TRRAP: variants seen among roughly 807,000 people sequenced by gnomAD.
The protein encoded by TRRAP is transformation/transcription domain-associated protein.
TRRAP carries 41 observed loss-of-function variants against 438.8 expected under a neutral mutation model. The observed-to-expected ratio is 0.09, with a 90% CI of 0.07 to 0.12. The LOEUF (loss-of-function observed/expected upper bound fraction) is 0.12, where lower values mean the gene tolerates loss of function less well. Ranked by LOEUF, TRRAP falls within the 10% of genes least tolerant of loss-of-function variation. TRRAP has a pLI of 1.00. For missense variants in TRRAP, 3,122 were observed against 5,055.1 expected (o/e 0.62, Z 11.60); for synonymous variants, 1,994 against 1,962.9 (o/e 1.02, Z -0.42).
chr7:98,916,407 C>T (rs1789520473), intron 19 of TRRAP, among the ~76,000 whole-genome samples: 1 of 152,172 alleles, frequency 6.6e-6, no homozygotes, highest in Non-Finnish European at 1.5e-5. Flanking sequence ...GATCTGGGTT[C>T]ATTGAATGCT....
In TRRAP at chr7:98,967,148, T is replaced by C; in HGVS notation, c.7284T>C (p.Val2428=). The part of the protein sequence containing the change: ...LELNAQFLDL[V]NYVYRDETLS... ...TAAATGCCCAGTTTTTAGATCTTGT[T>C]AACTATGTCTACAGGTAATTACAGC... Residue 2428 remains valine (V), a synonymous_variant, in exon 50 of 73, where the codon GTT becomes GTC. Transcript: ENST00000456197. 1 of 1,614,034 alleles carries C rather than the reference T, an allele frequency of 6.2e-7. No homozygotes were observed. Among genetic ancestry groups the C allele is most frequent in the Non-Finnish European group, 8.5e-7 (1 of 1,179,968 alleles).
chr7:98,935,735 A>C, intron 28 of TRRAP, 60 bp downstream of exon 28: 1 of 1,377,776 alleles, frequency 7.3e-7, no homozygotes, highest in Non-Finnish European at 9.8e-7. Context: ...CAGGAGGTCT[A>C]TAGAAAAAAA....
chr7:98,978,805 G>A lies in TRRAP; in HGVS notation c.8535G>A (p.Thr2845=), dbSNP rs190918434. ...AATTGAACCAGTGGGAAGCCCTGAC[G>A]GAGTACGGTCAGTCCAAAGGCCACA... is the stretch of plus-strand genomic sequence containing the variant. ...SKELNQWEAL[T]EYGQSKGHIN... is the part of the protein sequence containing the mutation. The change falls in exon 58 of 73, where the codon ACG becomes ACA. Residue 2845 remains threonine, a synonymous_variant. Coordinates refer to ENST00000456197, the MANE Select transcript of TRRAP (RefSeq NM_001375524.1). The A allele has an allele frequency of 3.5e-5, 56 of 1,614,232 alleles. No individual in the cohort carries two copies. The East Asian group carries it at 4.0e-4, about 12-fold the overall frequency.
In TRRAP at chr7:98,880,550, C is replaced by T. The variant is rs1179839422; in HGVS notation, c.-61-540C>T. Among the ~76,000 whole-genome samples the T allele has an allele frequency of 2.0e-5, 3 of 152,172 alleles. No homozygotes were observed. The South Asian group carries it at 6.2e-4, about 32-fold the overall frequency. ...GTGCTGGGATTCCAGGCGTGAGCCA[C>T]TGCGCCTGGCCTGCTGCATGATTTT... On this transcript the variant is annotated intron_variant, in intron 1 of 72. Coordinates refer to ENST00000456197, the MANE Select transcript of TRRAP (RefSeq NM_001375524.1).
At chr7:98,978,438 C>A in intron 57 of TRRAP, 115 bp downstream of exon 57, 2 of 945,832 alleles carry the variant, frequency 2.1e-6, no homozygotes, top group Admixed American at 2.6e-5. Flanking sequence ...TACTTTATGG[C>A]CACATAAAGA....
At chr7:98,971,143 T>C (rs113897860) in intron 52 of TRRAP, among the ~76,000 whole-genome samples, 140 of 152,348 alleles carry the variant, frequency 9.2e-4, no homozygotes, top group Non-Finnish European at 1.7e-3. Flanking sequence ...ATTAATAATT[T>C]CGAATTAAAA....
intron 13 of TRRAP, among the ~76,000 whole-genome samples, chr7:98,907,316 T>A (rs1796820586): frequency 6.6e-6 from 1 of 151,418 alleles, no homozygotes; most frequent in African/African-American, 2.4e-5. Context: ...AGAGTGAAAC[T>A]CTGTCTCAAA....
intron 67 of TRRAP, chr7:98,999,058 C>T (rs1379338512): frequency 4.1e-6 from 4 of 972,824 alleles, no homozygotes; most frequent in Non-Finnish European, 3.1e-6. Flanking sequence ...GAGAAGGCAG[C>T]CATGACGGGC....
chr7:98,922,609 T>A (rs1789851726), intron 21 of TRRAP, among the ~76,000 whole-genome samples: 1 of 152,072 alleles, frequency 6.6e-6, no homozygotes, highest in South Asian at 2.1e-4. Context: ...CTTCCCCACA[T>A]GGTGGCAGCA....
Position 98,925,166 on chromosome 7 carries a change from C to A in TRRAP, c.2878C>A (p.Arg960=). ...LKSANTEPYY[R]RQAWEVIKCF... is the part of the protein sequence containing the mutation. ...AAGCGCCAACACTGAGCCCTACTAC[C>A]GGAGGCAGGCGTGGGAAGTGATCAA... is the stretch of plus-strand genomic sequence containing the variant. Residue 960 remains arginine, a synonymous_variant, in exon 22 of 73, where the codon CGG becomes AGG. Coordinates refer to ENST00000456197, the MANE Select transcript of TRRAP (RefSeq NM_001375524.1). 6.2e-7 allele frequency: 1 copy of A among 1,614,196 alleles called. No individual in the cohort carries two copies. The highest frequency in any genetic ancestry group is 1.1e-5 in the South Asian group (1 of 91,080).
chr7:98,920,285 A>T (rs1554410254), intron 20 of TRRAP, among the ~76,000 whole-genome samples: 1 of 152,096 alleles, frequency 6.6e-6, no homozygotes, highest in East Asian at 1.9e-4. Context: ...AGCCTGGCCA[A>T]CAAGGTGAAA....
intron 45 of TRRAP, among the ~76,000 whole-genome samples, chr7:98,960,443 A>T (rs1236339507): frequency 6.6e-6 from 1 of 151,774 alleles, no homozygotes; most frequent in Non-Finnish European, 1.5e-5. Context: ...CTTCTATTTG[A>T]CCTCTGCTAT....
rs1554417744 is a variant in TRRAP, at chr7:98,949,709, ACT to A, written c.5008_5009del (p.Leu1670GlyfsTer11). ...GATGACTCCTGGCTGGCCAGCCAGC[ACT>A]CTCTGGTGAGCCAGTTGCGACGTGT... On this transcript the variant is annotated frameshift_variant, in exon 37 of 73. Transcript: ENST00000456197. LOFTEE classifies it high-confidence loss of function. 1 of 1,613,946 alleles carries A rather than the reference ACT, an allele frequency of 6.2e-7. No homozygotes were observed. The highest frequency in any genetic ancestry group is 1.7e-5 in the Admixed American group (1 of 60,020).
chr7:98,943,124 C>G, intron 31 of TRRAP, 107 bp downstream of exon 31: 2 of 1,171,838 alleles, frequency 1.7e-6, no homozygotes, highest in Non-Finnish European at 2.5e-6. Context: ...CCTAGTTTGA[C>G]GTGATTGTAG....
In TRRAP at chr7:98,976,952, C is replaced by T. The variant is rs1792689154; in HGVS notation, c.8261C>T (p.Ser2754Phe). The stretch of plus-strand genomic sequence containing the variant: ...TTGTGTTTTCAGGAGATACTGGATT[C>T]CCTTGCGGAGCTTTACTCCCTGTTA... ...ITPPQQEILDSLAELYSLLQE... is the reference protein window; with the variant it reads ...ITPPQQEILDFLAELYSLLQE... The change falls in exon 56 of 73, where the codon TCC becomes TTC. Residue 2754 changes from serine (S) to phenylalanine (F), a missense_variant. Ser to Phe is a radical substitution (Grantham distance 155). This residue lies in a region of TRRAP where 992 missense variants were observed against 1,281.2 expected (regional missense o/e 0.77). Transcript: ENST00000456197. The surrounding 1 kb of genome is among the most constrained non-coding windows in gnomAD (Gnocchi z 4.6). The T allele has an allele frequency of 8.1e-6, 13 of 1,614,154 alleles. No individual in the cohort carries two copies. The highest frequency in any genetic ancestry group is 9.3e-6 in the Non-Finnish European group (11 of 1,180,038).
chr7:98,984,034 T>A, intron 60 of TRRAP, 59 bp from the exon 61 acceptor site: 17 of 1,502,622 alleles, frequency 1.1e-5, no homozygotes, highest in Non-Finnish European at 1.5e-5. Context: ...TAAGCCTTGT[T>A]GTGAAGTGCT....
At position 98,976,852 on chromosome 7, in the gene TRRAP, T is replaced by G. The variant is rs1792682661; in HGVS notation, c.8247+82T>G. The G allele has an allele frequency of 6.2e-7, 1 of 1,600,344 alleles. No individual in the cohort carries two copies. The highest frequency in any genetic ancestry group is 8.5e-7 in the Non-Finnish European group (1 of 1,172,002). ...TAAATAAATACTCCTCCCAAATGATTTCAAATGACAGCACAGTGAAACTAT... is the reference window on the plus strand; with the variant it reads ...TAAATAAATACTCCTCCCAAATGATGTCAAATGACAGCACAGTGAAACTAT... On this transcript the variant is annotated intron_variant, in intron 55 of 72. Transcript: ENST00000456197. The surrounding 1 kb of genome is among the most constrained non-coding windows in gnomAD (Gnocchi z 4.6).
intron 11 of TRRAP, among the ~76,000 whole-genome samples, chr7:98,903,058 CTCTT>C (rs1379888500): frequency 2.6e-5 from 4 of 152,008 alleles, no homozygotes; most frequent in Non-Finnish European, 5.9e-5. Flanking sequence ...ACGAGTCTCA[CTCTT>C]TCATGCTGGA....
intron 62 of TRRAP, among the ~76,000 whole-genome samples, chr7:98,986,910 C>A (rs1191120519): frequency 1.3e-5 from 2 of 152,162 alleles, no homozygotes; most frequent in African/African-American, 2.4e-5. Flanking sequence ...TATTATGCTG[C>A]ATGTGGATAT....
Sources: allele counts gnomAD v4.1 joint callset (sites outside exome capture counted in the v4.1 genomes callset), GRCh38; gene constraint gnomAD v4.1.1; regional missense constraint gnomAD v4.1.1; non-coding constraint Gnocchi (gnomAD v3.1); transcripts MANE v1.5; gene names NCBI Gene and HGNC (gene_info 2026-07-23, HGNC 2026-07-21).